Variants in HSPA4L observed in about 807,000 individuals in gnomAD.
HSPA4L encodes the protein heat shock protein family A (Hsp70) member 4 like.
Under a neutral mutation model 100.3 loss-of-function variants are expected in HSPA4L, and 48 were observed. The observed-to-expected ratio is 0.48, with a 90% CI of 0.38 to 0.61. HSPA4L has a LOEUF of 0.61. HSPA4L is among the 20% of genes least tolerant of loss of function. The probability of loss-of-function intolerance (pLI) is 0.00; values close to 1 mark genes in which losing one functional copy is unlikely to be tolerated. For missense variants in HSPA4L, 886 were observed against 988.6 expected, an observed-to-expected ratio of 0.90 and a Z score of 1.39; for synonymous variants, 319 against 328.2, an observed-to-expected ratio of 0.97 and a Z score of 0.30.
intron 1 of HSPA4L, among the ~76,000 whole-genome samples, chr4:127,784,642 T>C (rs988768544): frequency 2.6e-5 from 4 of 152,268 alleles, no homozygotes; most frequent in African/African-American, 9.6e-5. Flanking sequence ...ACCTCAGAAG[T>C]GTATCTTTTG....
At chr4:127,810,726 A>G (rs1444166761) in intron 11 of HSPA4L, among the ~76,000 whole-genome samples, 1 of 152,126 alleles carries the variant, frequency 6.6e-6, no homozygotes, top group Non-Finnish European at 1.5e-5. Flanking sequence ...CCACTGCACT[A>G]CAGCCTGGAT....
intron 9 of HSPA4L, 151 bp downstream of exon 9, chr4:127,805,375 C>T (rs903524791): frequency 8.1e-6 from 5 of 614,972 alleles, no homozygotes; most frequent in African/African-American, 7.4e-5. Context: ...TTATGTCTTT[C>T]CCATTTATGT....
intron 11 of HSPA4L, chr4:127,809,377 T>C (rs1733462528): frequency 8.3e-7 from 1 of 1,202,734 alleles, no homozygotes; most frequent in Non-Finnish European, 1.2e-6. Context: ...AAGGCAGCTT[T>C]GCAGCATGCT....
chr4:127,805,093 A>G lies in HSPA4L; in HGVS notation c.1006A>G (p.Ser336Gly). Residue 336 changes from serine (S) to glycine (G), a missense_variant, in exon 9 of 19, where the codon AGT becomes GGT. Physicochemically the swap from Ser to Gly is moderately conservative, Grantham distance 56. Transcript: ENST00000296464. ...EQANLQREDISSIEIVGGATR... is the reference protein window; with the variant it reads ...EQANLQREDIGSIEIVGGATR... ...TCCAGACTTACAACGTGAAGACATT[A>G]GTAGTATAGAAATTGTAGGAGGAGC... The G allele has an allele frequency of 6.2e-7, 1 of 1,609,828 alleles. No individual in the cohort carries two copies. The highest frequency in any genetic ancestry group is 1.1e-5 in the South Asian group (1 of 90,578).
chr4:127,798,599 G>C lies in HSPA4L; in HGVS notation c.319G>C (p.Glu107Gln), dbSNP rs1733088259. The C allele has an allele frequency of 4.3e-6, 7 of 1,613,620 alleles. No homozygotes were observed. Among genetic ancestry groups the C allele is most frequent in the Non-Finnish European group, 5.9e-6 (7 of 1,179,730 alleles). The change falls in exon 4 of 19, where the codon GAG (glutamate) becomes CAG (glutamine). Residue 107 changes from glutamate (E) to glutamine (Q), a missense_variant. Transcript: ENST00000296464. ...CTTTTGGTGTTAGGTGCGGTACTTA[G>C]AGGAAGAGAGACCTTTTGCAATTGA... The part of the protein sequence containing the change: ...GSAGVKVRYL[E>Q]EERPFAIEQV...
chr4:127,809,778 G>T (rs1733474630), intron 11 of HSPA4L, among the ~76,000 whole-genome samples: 2 of 152,224 alleles, frequency 1.3e-5, no homozygotes, highest in South Asian at 2.1e-4. Context: ...TAGCAAGTTT[G>T]ACTGAATATA....
intron 18 of HSPA4L, 55 bp downstream of exon 18, chr4:127,830,854 TGAGA>T: frequency 8.8e-7 from 1 of 1,137,070 alleles, no homozygotes; most frequent in South Asian, 2.1e-5. Flanking sequence ...AAATTTTTAA[TGAGA>T]GTCATACTTT....
chr4:127,812,408 CAA>C (rs769753070), intron 12 of HSPA4L, among the ~76,000 whole-genome samples: 1 of 62,844 alleles, frequency 1.6e-5, no homozygotes, highest in Non-Finnish European at 3.4e-5. Flanking sequence ...GACTCCATCT[CAA>C]AAAAAAAAAA....
rs1734305729 is a variant in HSPA4L, at chr4:127,839,225, T to C, written c.*6351T>C. 1 of 152,214 alleles carries C rather than the reference T, an allele frequency of 6.6e-6. No individual in the cohort carries two copies. Among genetic ancestry groups the C allele is most frequent in the East Asian group, 1.9e-4 (1 of 5,196 alleles). 9.4% of individuals were successfully genotyped at this position (152,214 alleles called of 1,614,324 possible). The stretch of plus-strand genomic sequence containing the variant: ...TTTTAGAGTTTCCTAAATTTTTTGC[T>C]TCTGGGGACTTGAGTATTTTTAAAT... On this transcript the variant is annotated 3_prime_UTR_variant, in exon 19 of 19. Transcript: ENST00000296464.
chr4:127,797,671 G>A (rs1040437138), intron 3 of HSPA4L, among the ~76,000 whole-genome samples: 1 of 146,630 alleles, frequency 6.8e-6, no homozygotes, highest in Non-Finnish European at 1.5e-5. Context: ...GCGCAATCTC[G>A]GCTCACTGCA....
intron 10 of HSPA4L, among the ~76,000 whole-genome samples, chr4:127,806,252 A>T (rs1733354226): frequency 6.6e-6 from 1 of 152,140 alleles, no homozygotes; most frequent in Non-Finnish European, 1.5e-5. Context: ...AACAGACAGT[A>T]ACTGTTTTTT....
rs1733258376 is a variant in HSPA4L at position 127,803,663 on chromosome 4, G to A, written c.698G>A (p.Gly233Asp). Residue 233 changes from glycine to aspartate, a missense_variant, in exon 7 of 19, where the codon GGC becomes GAC. Gly to Asp is a moderately conservative substitution (Grantham distance 94, BLOSUM62 -1). Coordinates refer to ENST00000296464, the MANE Select transcript of HSPA4L (RefSeq NM_014278.4). Reference sequence around the variant, plus strand: ...ACTACCTTTGATCCATATTTGGGTGGCAGGAACTTTGATGAGGCTTTAGTA... The same window carrying A: ...ACTACCTTTGATCCATATTTGGGTGACAGGAACTTTGATGAGGCTTTAGTA... The part of the protein sequence containing the change: ...LATTFDPYLG[G>D]RNFDEALVDY... The A allele has an allele frequency of 6.2e-7, 1 of 1,613,262 alleles. No homozygotes were observed. The highest frequency in any genetic ancestry group is 8.5e-7 in the Non-Finnish European group (1 of 1,179,740).
chr4:127,811,769 GTA>G (rs2148791468), intron 12 of HSPA4L, 133 bp downstream of exon 12: 1 of 660,466 alleles, frequency 1.5e-6, no homozygotes, highest in Non-Finnish European at 2.6e-6. Context: ...GTGGGAATCT[GTA>G]TAAAGTCTTT....
At chr4:127,824,017 C>A (rs1733882349) in intron 16 of HSPA4L, among the ~76,000 whole-genome samples, 1 of 152,178 alleles carries the variant, frequency 6.6e-6, no homozygotes, top group African/African-American at 2.4e-5. Context: ...ATCATACCAT[C>A]CCCTGATAAC....
At chr4:127,795,029 AGG>A (rs1732979283) in intron 2 of HSPA4L, among the ~76,000 whole-genome samples, 2 of 152,148 alleles carry the variant, frequency 1.3e-5, no homozygotes, top group Non-Finnish European at 2.9e-5. Flanking sequence ...GCTACATGGA[AGG>A]GATTTTAATT....
chr4:127,791,526 C>T (rs893237603), intron 1 of HSPA4L, among the ~76,000 whole-genome samples: 1 of 152,362 alleles, frequency 6.6e-6, no homozygotes, highest in South Asian at 2.1e-4. Flanking sequence ...ATAATAACCA[C>T]ATATGGCTGG....
At chr4:127,799,811 G>C (rs1162565950) in intron 4 of HSPA4L, among the ~76,000 whole-genome samples, 1 of 152,016 alleles carries the variant, frequency 6.6e-6, no homozygotes, top group Non-Finnish European at 1.5e-5. Context: ...CTGTTTTCCT[G>C]GTAGCTAGAA....
intron 4 of HSPA4L, among the ~76,000 whole-genome samples, chr4:127,800,778 A>C (rs1468032007): frequency 1.3e-5 from 2 of 152,170 alleles, no homozygotes; most frequent in African/African-American, 4.8e-5. Flanking sequence ...CATTATATGG[A>C]TATACCATAA....
chr4:127,819,398 G>A (rs1733752912), intron 13 of HSPA4L, among the ~76,000 whole-genome samples: 1 of 152,086 alleles, frequency 6.6e-6, no homozygotes, highest in African/African-American at 2.4e-5. Context: ...CTCAGAGATT[G>A]TAAAGATTTA....
Sources: gnomAD v4.1 joint callset for allele counts (sites outside exome capture counted in the v4.1 genomes callset) on GRCh38, gnomAD v4.1.1 for gene constraint, MANE v1.5 for transcripts, NCBI Gene and HGNC (gene_info 2026-07-23, HGNC 2026-07-21) for gene names.